The following BRI3BP variants were observed in gnomAD, a reference collection of about 807,000 sequenced individuals.
BRI3BP encodes the protein BRI3 binding protein, also known as BRI3-binding protein.
In BRI3BP, 7 loss-of-function variants were observed where a neutral mutation model predicts 15.8. The observed-to-expected ratio is 0.44, with a 90% confidence interval of 0.25 to 0.83. The LOEUF (loss-of-function observed/expected upper bound fraction) is 0.83. Among genes scored for constraint, BRI3BP ranks in the 40% least tolerant of loss-of-function variants. The probability of loss-of-function intolerance (pLI) is 0.20; values close to 1 mark genes in which losing one functional copy is unlikely to be tolerated. For synonymous variants in BRI3BP, 192 were observed against 163.5 expected (o/e 1.17, Z -1.33); for missense variants, 320 against 339.3 (o/e 0.94, Z 0.45).
chr12:125,003,904 G>C (rs935839182), intron 1 of BRI3BP, among the ~76,000 whole-genome samples: 5 of 151,584 alleles, frequency 3.3e-5, no homozygotes, highest in Non-Finnish European at 7.4e-5. Flanking sequence ...AGTGAACCAA[G>C]ATTGCACCAC....
chr12:125,004,256 T>C (rs10773133), intron 1 of BRI3BP, among the ~76,000 whole-genome samples: 121,571 of 152,170 alleles, frequency 0.8, 49,547 homozygotes, highest in East Asian at 0.99. Flanking sequence ...CACTTGCAGC[T>C]TCAACCTCCC....
chr12:125,048,408 T>C, the BRI3BP span, among the ~76,000 whole-genome samples: 1 of 152,100 alleles, frequency 6.6e-6, no homozygotes, highest in African/African-American at 2.4e-5. Context: ...GGCAAGCTGA[T>C]AGTTACTCAT....
the BRI3BP span, among the ~76,000 whole-genome samples, chr12:125,036,768 A>G: frequency 2.0e-5 from 3 of 152,204 alleles, no homozygotes; most frequent in African/African-American, 7.2e-5. Flanking sequence ...TGATTAGTCT[A>G]GATGAGATCC....
Position 125,025,213 on chromosome 12 carries a change from A to C in BRI3BP, c.539A>C (p.Glu180Ala), listed in dbSNP as rs1955340648. ...CVYILHKYEG[E>A]PENAVLPLCF... ...TACATCCTGCACAAGTACGAGGGCG[A>C]GCCGGAGAACGCGGTGCTGCCGCTG... Residue 180 changes from glutamate (E) to alanine (A), a missense_variant, in exon 3 of 3, where the codon GAG becomes GCG. Coordinates refer to ENST00000341446, the MANE Select transcript of BRI3BP (RefSeq NM_080626.6). 6.2e-7 allele frequency: 1 copy of C among 1,614,074 alleles called. No individual in the cohort carries two copies. Among genetic ancestry groups the C allele is most frequent in the East Asian group, 2.2e-5 (1 of 44,884 alleles).
At chr12:125,000,474 C>A (rs1456911309) in intron 1 of BRI3BP, among the ~76,000 whole-genome samples, 2 of 151,846 alleles carry the variant, frequency 1.3e-5, no homozygotes, top group Admixed American at 1.3e-4. Flanking sequence ...CCACCACGCC[C>A]GGCTAATTTT....
downstream of BRI3BP, among the ~76,000 whole-genome samples, chr12:125,035,141 C>G (rs1955434001): frequency 6.6e-6 from 1 of 152,194 alleles, no homozygotes; most frequent in Non-Finnish European, 1.5e-5. Flanking sequence ...AATAAAGCGA[C>G]TATGAACACT....
chr12:125,023,130 A>G (rs1218588071), intron 2 of BRI3BP, among the ~76,000 whole-genome samples: 1 of 152,232 alleles, frequency 6.6e-6, no homozygotes, highest in East Asian at 1.9e-4. Context: ...AGTTAGGATC[A>G]GGTTTGGCTG....
At chr12:125,036,832 C>T in the BRI3BP span, among the ~76,000 whole-genome samples, 24 of 152,242 alleles carry the variant, frequency 1.6e-4, no homozygotes, top group South Asian at 1.0e-3. Context: ...AGGAAAAGAC[C>T]AGATACCCCT....
chr12:125,045,235 C>T, the BRI3BP span, among the ~76,000 whole-genome samples: 1 of 152,170 alleles, frequency 6.6e-6, no homozygotes, highest in Non-Finnish European at 1.5e-5. Flanking sequence ...ATCTAAGGGT[C>T]AACCACTTTG....
At chr12:125,016,669 G>T (rs1392231442) in intron 2 of BRI3BP, among the ~76,000 whole-genome samples, 1 of 151,606 alleles carries the variant, frequency 6.6e-6, no homozygotes, top group African/African-American at 2.4e-5. Context: ...GGGATTACAG[G>T]CATGCACCAC....
the BRI3BP span, among the ~76,000 whole-genome samples, chr12:125,045,493 C>A: frequency 2.0e-5 from 3 of 152,102 alleles, no homozygotes; most frequent in Non-Finnish European, 4.4e-5. Flanking sequence ...ATCATCACGC[C>A]CGGCTAATTT....
At chr12:125,016,185 T>A (rs1360122505) in intron 2 of BRI3BP, among the ~76,000 whole-genome samples, 2 of 152,150 alleles carry the variant, frequency 1.3e-5, no homozygotes, top group Non-Finnish European at 2.9e-5. Flanking sequence ...TCGAAGCTTT[T>A]CTAGTTCTGT....
chr12:125,013,080 C>T (rs1955210597), intron 2 of BRI3BP, among the ~76,000 whole-genome samples: 1 of 151,968 alleles, frequency 6.6e-6, no homozygotes, highest in African/African-American at 2.4e-5. Context: ...CAAGACTCCT[C>T]TCAAATAATC....
At chr12:124,995,983 G>C (rs141686307) in intron 1 of BRI3BP, among the ~76,000 whole-genome samples, 1 of 152,230 alleles carries the variant, frequency 6.6e-6, no homozygotes, top group East Asian at 1.9e-4. Context: ...GAGTGATCTC[G>C]TCTCACTACA....
intron 1 of BRI3BP, among the ~76,000 whole-genome samples, chr12:124,995,822 C>T (rs1955035854): frequency 6.6e-6 from 1 of 152,158 alleles, no homozygotes; most frequent in Admixed American, 6.6e-5. Flanking sequence ...GGACATGGAG[C>T]CCACATTAGT....
the BRI3BP span, among the ~76,000 whole-genome samples, chr12:125,046,930 G>A: frequency 6.6e-6 from 1 of 152,138 alleles, no homozygotes; most frequent in Non-Finnish European, 1.5e-5. Flanking sequence ...AAAGCACACA[G>A]TATTCACCAT....
At chr12:124,994,875 T>A (rs1200009028) in intron 1 of BRI3BP, among the ~76,000 whole-genome samples, 3 of 152,194 alleles carry the variant, frequency 2.0e-5, no homozygotes, top group Non-Finnish European at 4.4e-5. Flanking sequence ...GGGTTCAAGT[T>A]GGAGCTCTAC....
In BRI3BP at chr12:125,030,428, T is replaced by G. The variant is rs762188007; in HGVS notation, c.*4998T>G. 9 of 152,366 alleles carry G rather than the reference T, an allele frequency of 5.9e-5. No homozygotes were observed. The highest frequency in any genetic ancestry group is 4.1e-4 in the South Asian group (2 of 4,830). 9.4% of individuals were successfully genotyped at this position (152,366 alleles called of 1,614,324 possible). ...TTTGCAGAATCTAACATAATACCCT[T>G]AAAATTCATACTGGACAACCATCAG... On this transcript the variant is annotated 3_prime_UTR_variant, in exon 3 of 3. Transcript: ENST00000341446.
chr12:125,004,579 C>T (rs1955126366), intron 1 of BRI3BP, among the ~76,000 whole-genome samples: 1 of 152,244 alleles, frequency 6.6e-6, no homozygotes, highest in East Asian at 1.9e-4. Flanking sequence ...TACAGGGAGT[C>T]GCCATATACC....
Sources: allele counts gnomAD v4.1 joint callset (sites outside exome capture counted in the v4.1 genomes callset), GRCh38; gene constraint gnomAD v4.1.1; transcripts MANE v1.5; gene names NCBI Gene and HGNC (gene_info 2026-07-23, HGNC 2026-07-21).